The following STX8 variants were observed in gnomAD, a reference collection of about 807,000 sequenced individuals.
STX8 encodes syntaxin-8.
STX8 carries 23 observed loss-of-function variants against 37.5 expected under a neutral mutation model. The ratio of observed to expected loss-of-function variants is 0.61; its 90% CI spans 0.44 to 0.87. STX8 has a LOEUF of 0.87. Among genes scored for constraint, STX8 ranks in the 40% least tolerant of loss-of-function variants. The pLI is 0.00. For missense variants in STX8, 313 were observed against 284.7 expected (o/e 1.10, Z -0.71); for synonymous variants, 115 against 99.1 (o/e 1.16, Z -0.95).
intron 3 of STX8, among the ~76,000 whole-genome samples, chr17:9,551,492 A>G (rs999644986): frequency 2.0e-5 from 3 of 152,156 alleles, no homozygotes; most frequent in African/African-American, 4.8e-5. Context: ...TATGTGAAGC[A>G]CCCTGTATGC....
chr17:9,566,422 A>C (rs1416568303), intron 2 of STX8, among the ~76,000 whole-genome samples: 4 of 152,240 alleles, frequency 2.6e-5, no homozygotes, highest in African/African-American at 7.2e-5. Context: ...TAAAAACAGA[A>C]ATACTATTTG....
At chr17:9,445,305 T>C (rs930557970) in intron 6 of STX8, among the ~76,000 whole-genome samples, 1 of 151,754 alleles carries the variant, frequency 6.6e-6, no homozygotes, top group South Asian at 2.1e-4. Context: ...CTTTTTTCCT[T>C]TTCCCACTGC....
chr17:9,424,971 T>C (rs574636770), intron 6 of STX8, among the ~76,000 whole-genome samples: 12 of 152,292 alleles, frequency 7.9e-5, no homozygotes, highest in Admixed American at 7.8e-4. Flanking sequence ...TGCCAGAGTG[T>C]AGAGGATGAA....
At chr17:9,303,281 C>A (rs1448347078) in intron 7 of STX8, among the ~76,000 whole-genome samples, 1 of 152,144 alleles carries the variant, frequency 6.6e-6, no homozygotes, top group African/African-American at 2.4e-5. Context: ...CAGAGCGAGA[C>A]TCTGTCTCAA....
chr17:9,333,342 C>A (rs1910022120), intron 7 of STX8, among the ~76,000 whole-genome samples: 2 of 152,254 alleles, frequency 1.3e-5, no homozygotes, highest in South Asian at 4.1e-4. Flanking sequence ...TAAGTGAGAA[C>A]ACATGGTATT....
intron 6 of STX8, among the ~76,000 whole-genome samples, chr17:9,426,906 G>A (rs1913651887): frequency 6.6e-6 from 1 of 151,918 alleles, no homozygotes; most frequent in African/African-American, 2.4e-5. Flanking sequence ...TCTCTTACTA[G>A]ATATAACTTA....
chr17:9,493,167 G>A (rs1388010786), intron 5 of STX8, among the ~76,000 whole-genome samples: 2 of 151,868 alleles, frequency 1.3e-5, no homozygotes, highest in African/African-American at 4.8e-5. Flanking sequence ...GGAGGCTGAG[G>A]TGAGAGGATT....
At chr17:9,339,878 A>G (rs1910281734) in intron 7 of STX8, among the ~76,000 whole-genome samples, 1 of 152,206 alleles carries the variant, frequency 6.6e-6, no homozygotes, top group Non-Finnish European at 1.5e-5. Flanking sequence ...TACTCTGACT[A>G]TTATTATGAA....
At chr17:9,304,726 G>A (rs12935904) in intron 7 of STX8, among the ~76,000 whole-genome samples, 35,112 of 151,580 alleles carry the variant, frequency 0.23, 5,396 homozygotes, top group African/African-American at 0.44. Context: ...ATCTTTCCAC[G>A]AGACTGTGAG....
chr17:9,561,218 C>CA (rs1907218283), intron 2 of STX8, among the ~76,000 whole-genome samples: 1 of 152,130 alleles, frequency 6.6e-6, no homozygotes, highest in Non-Finnish European at 1.5e-5. Context: ...CACCAACAAA[C>CA]ATGCTGATAA....
chr17:9,283,896 C>G (rs1217662421), intron 7 of STX8, among the ~76,000 whole-genome samples: 1 of 152,088 alleles, frequency 6.6e-6, no homozygotes, highest in Non-Finnish European at 1.5e-5. Flanking sequence ...AAGCAGAAAG[C>G]CAGCAATTAC....
chr17:9,260,655 C>A (rs12949977), intron 7 of STX8, among the ~76,000 whole-genome samples: 34,637 of 142,362 alleles, frequency 0.24, 6,486 homozygotes, highest in African/African-American at 0.55. Flanking sequence ...AACAAACAAA[C>A]AACTGTGGTC....
intron 6 of STX8, among the ~76,000 whole-genome samples, chr17:9,445,899 G>A (rs1597677231): frequency 7.0e-6 from 1 of 142,476 alleles, no homozygotes; most frequent in South Asian, 2.2e-4. Flanking sequence ...GTGCAGTGGT[G>A]TGATCTCAGC....
intron 6 of STX8, among the ~76,000 whole-genome samples, chr17:9,477,052 C>T (rs961199140): frequency 3.3e-5 from 5 of 151,978 alleles, no homozygotes; most frequent in African/African-American, 1.2e-4. Context: ...GAGATGGGGT[C>T]TCCCTGTATT....
chr17:9,281,563 G>T (rs147321417), intron 7 of STX8, among the ~76,000 whole-genome samples: 17 of 152,114 alleles, frequency 1.1e-4, no homozygotes, highest in African/African-American at 3.1e-4. Context: ...CTGTTTGGGT[G>T]GGGGGCTGGG....
chr17:9,285,644 CCAAA>C (rs1908047327), intron 7 of STX8, among the ~76,000 whole-genome samples: 1 of 152,056 alleles, frequency 6.6e-6, no homozygotes, highest in Admixed American at 6.6e-5. Context: ...CCTGGTAGTC[CCAAA>C]CAGTGATCAC....
chr17:9,273,111 T>C (rs573698699), intron 7 of STX8: 20 of 152,368 alleles, frequency 1.3e-4, no homozygotes, highest in Non-Finnish European at 2.6e-4. Context: ...GGTTTAGTTA[T>C]GTTAGGAAAA....
chr17:9,454,460 C>T (rs1458916159), intron 6 of STX8, among the ~76,000 whole-genome samples: 3 of 151,986 alleles, frequency 2.0e-5, no homozygotes, highest in East Asian at 1.9e-4. Flanking sequence ...GGGCAGATCA[C>T]GAGGTCAGGA....
chr17:9,361,802 C>T (rs1243045653), intron 7 of STX8, among the ~76,000 whole-genome samples: 2 of 152,070 alleles, frequency 1.3e-5, no homozygotes, highest in African/African-American at 2.4e-5. Flanking sequence ...GTGGCAAGCA[C>T]CAGAAAGTCA....
Sources: allele counts gnomAD v4.1 joint callset (sites outside exome capture counted in the v4.1 genomes callset), GRCh38; gene constraint gnomAD v4.1.1; transcripts MANE v1.5; gene names NCBI Gene and HGNC (gene_info 2026-07-23, HGNC 2026-07-21).